Variants in TUBD1 observed in about 807,000 individuals in gnomAD.
TUBD1 encodes tubulin delta chain.
A neutral mutation model predicts 51.2 loss-of-function variants in TUBD1; 38 were observed. The observed-to-expected ratio is 0.74, with a 90% CI of 0.57 to 0.97. The LOEUF (loss-of-function observed/expected upper bound fraction) is 0.97. TUBD1 is among the 50% of genes least tolerant of loss of function. The pLI is 0.00. For synonymous variants in TUBD1, 169 were observed against 178.2 expected (o/e 0.95, Z 0.41); for missense variants, 489 against 538.4 (o/e 0.91, Z 0.91).
chr17:59,873,661 G>A (rs954861857), intron 6 of TUBD1, among the ~76,000 whole-genome samples: 5 of 151,900 alleles, frequency 3.3e-5, no homozygotes, highest in African/African-American at 4.8e-5. Flanking sequence ...TCAGGAGTTC[G>A]AGACCAGCCT....
At chr17:59,875,476 C>T (rs1022160576) in intron 5 of TUBD1, among the ~76,000 whole-genome samples, 3 of 151,632 alleles carry the variant, frequency 2.0e-5, no homozygotes, top group Middle Eastern at 3.2e-3. Context: ...AAGCCAGGCA[C>T]GGTGGCTCAC....
rs1450169910 is a variant in TUBD1, at chr17:59,860,441, A to AC, written c.1260-18_1260-17insG. 8 of 1,512,294 alleles carry AC rather than the reference A, an allele frequency of 5.3e-6. No individual in the cohort carries two copies. Among genetic ancestry groups the AC allele is most frequent in the South Asian group, 1.2e-5 (1 of 83,320 alleles). 93.7% of individuals were successfully genotyped at this position (1,512,294 alleles called of 1,614,324 possible). A position where few individuals can be genotyped will look rare whatever the true frequency, so the allele number is the denominator to read the frequency against. On this transcript the variant is annotated splice_polypyrimidine_tract_variant and intron_variant, in intron 8 of 8. Coordinates refer to ENST00000325752, the MANE Select transcript of TUBD1 (RefSeq NM_016261.4). ...ATGTAGGCTCTGGTAGAAAAAAAAA[A>AC]AAAACAGAAATTACAAAATAAAAAA...
At chr17:59,868,507 G>T (rs935177608) in intron 6 of TUBD1, among the ~76,000 whole-genome samples, 4 of 151,644 alleles carry the variant, frequency 2.6e-5, no homozygotes, top group African/African-American at 9.7e-5. Context: ...ACTAGCCTGG[G>T]CAACATAGTC....
intron 6 of TUBD1, among the ~76,000 whole-genome samples, chr17:59,867,476 G>A (rs981078661): frequency 6.6e-5 from 10 of 152,084 alleles, no homozygotes; most frequent in Non-Finnish European, 1.0e-4. Context: ...GGTAGGCTGC[G>A]CTGGGAGGAT....
rs369353805 is a variant in TUBD1, at chr17:59,882,100, C to T, written c.321-990G>A. 4.4e-4 allele frequency among the ~76,000 whole-genome samples: 66 copies of T among 148,426 alleles called. 1 individual carries two copies. The highest frequency in any genetic ancestry group is 1.6e-3 in the African/African-American group (66 of 40,040). On this transcript the variant is annotated intron_variant, in intron 3 of 8. Transcript: ENST00000325752. ...TAGCAACTTCTTTTTTTTTTTTAAA[C>T]AGGGTCTCACTATGCTGCCCAGGCT...
intron 2 of TUBD1, 129 bp from the exon 3 acceptor site, chr17:59,886,359 A>C: frequency 2.0e-6 from 2 of 979,844 alleles, no homozygotes; most frequent in Non-Finnish European, 2.9e-6. Flanking sequence ...TGTGGTTAGA[A>C]AGATCTGTCG....
chr17:59,866,404 G>C (rs983817262), intron 7 of TUBD1, among the ~76,000 whole-genome samples: 13 of 151,772 alleles, frequency 8.6e-5, no homozygotes, highest in Admixed American at 2.6e-4. Flanking sequence ...CCGGCTAAAG[G>C]AATTATACTT....
intron 4 of TUBD1, among the ~76,000 whole-genome samples, chr17:59,879,345 C>T (rs2144527803): frequency 6.6e-6 from 1 of 152,110 alleles, no homozygotes; most frequent in South Asian, 2.1e-4. Flanking sequence ...GCAATGGCAC[C>T]ATGAATCCCA....
At chr17:59,874,772 C>A (rs1318093323) in intron 5 of TUBD1, 69 bp from the exon 6 acceptor site, 1 of 1,349,174 alleles carries the variant, frequency 7.4e-7, no homozygotes, top group South Asian at 1.3e-5. Context: ...CTATATATAA[C>A]CATGATTTGA....
At chr17:59,876,287 C>T (rs1417296360) in intron 5 of TUBD1, among the ~76,000 whole-genome samples, 1 of 151,912 alleles carries the variant, frequency 6.6e-6, no homozygotes, top group African/African-American at 2.4e-5. Context: ...TAAGCAATAG[C>T]CCCACTTCAG....
intron 5 of TUBD1, among the ~76,000 whole-genome samples, chr17:59,876,227 C>T (rs1038918265): frequency 6.6e-6 from 1 of 151,684 alleles, no homozygotes; most frequent in African/African-American, 2.4e-5. Flanking sequence ...GTTGTCCAAA[C>T]TGGTGTGCAG....
At chr17:59,869,476 C>A (rs578091421) in intron 6 of TUBD1, among the ~76,000 whole-genome samples, 3 of 150,722 alleles carry the variant, frequency 2.0e-5, no homozygotes, top group South Asian at 2.1e-4. Context: ...TTCTGTCCCC[C>A]CCGCCAAAAA....
Position 59,874,635 on chromosome 17 carries a change from T to C in TUBD1, c.838A>G (p.Met280Val), listed in dbSNP as rs376570748. 7 of 1,613,724 alleles carry C rather than the reference T, an allele frequency of 4.3e-6. No individual in the cohort carries two copies. Among genetic ancestry groups the C allele is most frequent in the African/African-American group, 4.0e-5 (3 of 74,876 alleles). Residue 280 changes from methionine to valine, a missense_variant, in exon 6 of 9, where the codon ATG (methionine) becomes GTG (valine). Transcript: ENST00000325752. Reference sequence around the variant, plus strand: ...GTGTATGCCAATGAATTCTCAGACATGTGAGGAATGTTACGAACACTCAGC... The same window carrying C: ...GTGTATGCCAATGAATTCTCAGACACGTGAGGAATGTTACGAACACTCAGC... ...KMLSVRNIPH[M>V]SENSLAYTTF...
chr17:59,885,296 G>T, intron 3 of TUBD1: 1 of 606,080 alleles, frequency 1.6e-6, no homozygotes, highest in South Asian at 1.6e-5. Context: ...CTGGACCTGA[G>T]ATTGAACTGG....
At chr17:59,871,466 G>A (rs2039979519) in intron 6 of TUBD1, among the ~76,000 whole-genome samples, 1 of 152,130 alleles carries the variant, frequency 6.6e-6, no homozygotes, top group Non-Finnish European at 1.5e-5. Context: ...CCAAAGTGCT[G>A]GGATTACAGG....
Position 59,872,694 on chromosome 17 carries a change from A to ATGTGTGTGTGTG in TUBD1, c.934+1833_934+1844dup, listed in dbSNP as rs60720420. 6.9e-3 allele frequency among the ~76,000 whole-genome samples: 981 copies of ATGTGTGTGTGTG among 142,668 alleles called. 13 individuals are homozygous for ATGTGTGTGTGTG. The highest frequency in any genetic ancestry group is 0.022 in the African/African-American group (864 of 38,438). 93.6% of individuals were successfully genotyped at this position (142,668 alleles called of 152,430 possible). ...TGTCAGTATATATATGAAAATGGGAATGTGTGTGTGTGTGTGTGTGTGTGT... is the reference window on the plus strand; with the variant it reads ...TGTCAGTATATATATGAAAATGGGAATGTGTGTGTGTGTGTGTGTGTGTGTGTGTGTGTGTGT... On this transcript the variant is annotated intron_variant, in intron 6 of 8. Coordinates refer to ENST00000325752, the MANE Select transcript of TUBD1 (RefSeq NM_016261.4).
chr17:59,889,425 G>A (rs2040884571), intron 2 of TUBD1, among the ~76,000 whole-genome samples: 1 of 151,454 alleles, frequency 6.6e-6, no homozygotes. Flanking sequence ...CCAGCACTTT[G>A]GGAAGCTGAG....
intron 2 of TUBD1, among the ~76,000 whole-genome samples, chr17:59,890,070 G>A (rs1381765491): frequency 1.3e-5 from 2 of 151,452 alleles, no homozygotes; most frequent in Non-Finnish European, 1.5e-5. Flanking sequence ...AATAGCCACC[G>A]CACTCCAGCT....
chr17:59,866,102 C>A (rs1345344918), intron 7 of TUBD1, among the ~76,000 whole-genome samples: 8 of 123,910 alleles, frequency 6.5e-5, no homozygotes, highest in East Asian at 2.1e-4. Context: ...CAGAGTGAGA[C>A]CCCGTCTCAA....
Sources: gnomAD v4.1 joint callset for allele counts (sites outside exome capture counted in the v4.1 genomes callset) on GRCh38, gnomAD v4.1.1 for gene constraint, MANE v1.5 for transcripts, NCBI Gene and HGNC (gene_info 2026-07-23, HGNC 2026-07-21) for gene names.